The following ANO1 variants were observed in gnomAD, a reference collection of about 807,000 sequenced individuals.
The protein encoded by ANO1 is anoctamin 1.
A neutral mutation model predicts 124.0 loss-of-function variants in ANO1; 59 were observed. The ratio of observed to expected loss-of-function variants is 0.48; its 90% CI spans 0.39 to 0.59. The LOEUF is 0.59. ANO1 is among the 20% of genes least tolerant of loss of function. ANO1 has a pLI of 0.00. For missense variants in ANO1, 1,059 were observed against 1,328.0 expected (o/e 0.80, Z 3.15); for synonymous variants, 529 against 532.0 (o/e 0.99, Z 0.08).
chr11:70,159,847 G>A (rs1295442929), intron 16 of ANO1, among the ~76,000 whole-genome samples: 1 of 152,248 alleles, frequency 6.6e-6, no homozygotes, highest in African/African-American at 2.4e-5. Context: ...GTTCCCCGGA[G>A]CTGGCCAGGG....
At chr11:70,096,113 G>C (rs1195532391) in intron 2 of ANO1, among the ~76,000 whole-genome samples, 1 of 152,196 alleles carries the variant, frequency 6.6e-6, no homozygotes, top group Non-Finnish European at 1.5e-5. Context: ...GTGGGGGCGG[G>C]TCTGCTTCGC....
At chr11:70,126,446 T>G (rs2046514637) in intron 10 of ANO1, among the ~76,000 whole-genome samples, 1 of 152,258 alleles carries the variant, frequency 6.6e-6, no homozygotes, top group African/African-American at 2.4e-5. Context: ...AAGAAACATC[T>G]GACCATTTTC....
At chr11:69,993,276 A>G (rs1554997836) in intron 1 of ANO1, among the ~76,000 whole-genome samples, 1 of 152,200 alleles carries the variant, frequency 6.6e-6, no homozygotes, top group Non-Finnish European at 1.5e-5. Flanking sequence ...TTCTGCCCAC[A>G]TATGGCCTCT....
intron 22 of ANO1, among the ~76,000 whole-genome samples, chr11:70,172,133 A>AG (rs1555052164): frequency 8.5e-5 from 8 of 93,696 alleles, no homozygotes; most frequent in African/African-American, 2.5e-4. Context: ...AAAAAAAAAA[A>AG]AAAGAAAAGA....
intron 1 of ANO1, among the ~76,000 whole-genome samples, chr11:69,998,099 C>T (rs542572531): frequency 6.6e-6 from 1 of 152,318 alleles, no homozygotes; most frequent in African/African-American, 2.4e-5. Context: ...CTCCATCCAG[C>T]TGTGAGCATG....
upstream of ANO1, among the ~76,000 whole-genome samples, chr11:69,983,066 A>C (rs1855972649): frequency 6.6e-6 from 1 of 152,094 alleles, no homozygotes; most frequent in African/African-American, 2.4e-5. Flanking sequence ...GGGCCGAGTC[A>C]GCTCTGAGCT....
intron 16 of ANO1, among the ~76,000 whole-genome samples, chr11:70,160,204 C>T (rs566304597): frequency 1.8e-4 from 27 of 152,258 alleles, no homozygotes; most frequent in African/African-American, 6.0e-4. Context: ...TCCTGGAACA[C>T]GGGGACACAG....
chr11:69,994,561 C>T (rs1416267026), intron 1 of ANO1, among the ~76,000 whole-genome samples: 1 of 152,088 alleles, frequency 6.6e-6, no homozygotes, highest in Non-Finnish European at 1.5e-5. Flanking sequence ...TATATGATGG[C>T]AATTTTTAAT....
In ANO1 at chr11:70,053,180, A is replaced by G. The variant is rs76979019; in HGVS notation, c.59-25362A>G. ...TTGCCAAATTTACTTTTTAATTCCA[A>G]TAGTTCATCTGGATTTTCTCCTTTC... On this transcript the variant is annotated intron_variant, in intron 1 of 27. Coordinates refer to the ANO1 transcript ENST00000531349. Among the ~76,000 whole-genome samples, 248 of 152,230 alleles carry G rather than the reference A, an allele frequency of 1.6e-3. 2 individuals are homozygous for G. Among genetic ancestry groups the G allele is most frequent in the African/African-American group, 5.4e-3 (226 of 41,544 alleles).
In ANO1 at chr11:70,144,965, G is replaced by A. The variant is rs141077501; in HGVS notation, c.1259-4745G>A. Among the ~76,000 whole-genome samples the A allele has an allele frequency of 1.0e-3, 157 of 152,330 alleles. 1 individual carries two copies. In the East Asian group the frequency reaches 0.019, roughly 18 times the overall value. ...AGGGGATCAGGCGTGGGAAAGCACC[G>A]TGTCCAGCGCCTGGCAGCAGCTGGG... is the stretch of plus-strand genomic sequence containing the variant. On this transcript the variant is annotated intron_variant, in intron 11 of 25. Coordinates refer to ENST00000355303, the MANE Select transcript of ANO1 (RefSeq NM_018043.7).
At chr11:70,142,641 T>G (rs1399760561) in intron 11 of ANO1, among the ~76,000 whole-genome samples, 1 of 152,196 alleles carries the variant, frequency 6.6e-6, no homozygotes, top group African/African-American at 2.4e-5. Context: ...GGGTGGTTTC[T>G]ATTCCCAGGG....
chr11:70,005,525 A>G (rs1177847724), intron 1 of ANO1, among the ~76,000 whole-genome samples: 2 of 152,248 alleles, frequency 1.3e-5, no homozygotes, highest in African/African-American at 4.8e-5. Context: ...GGAGTCAGCC[A>G]AACATGGCCT....
intron 1 of ANO1, among the ~76,000 whole-genome samples, chr11:69,989,126 A>T (rs1856105322): frequency 6.6e-6 from 1 of 151,634 alleles, no homozygotes; most frequent in Non-Finnish European, 1.5e-5. Context: ...CACTCACTGT[A>T]TGAGGTGGGT....
the ANO1 span, among the ~76,000 whole-genome samples, chr11:69,970,542 A>G: frequency 6.6e-6 from 1 of 152,148 alleles, no homozygotes; most frequent in African/African-American, 2.4e-5. Context: ...CTGAAGCGAA[A>G]TGTTTACATA....
intron 24 of ANO1, among the ~76,000 whole-genome samples, chr11:70,185,166 C>T (rs1376561257): frequency 6.6e-6 from 1 of 152,064 alleles, no homozygotes; most frequent in Non-Finnish European, 1.5e-5. Context: ...GCTTAGGGAA[C>T]CCCCCCGACT....
At chr11:69,977,005 A>G in the ANO1 span, among the ~76,000 whole-genome samples, 1 of 152,226 alleles carries the variant, frequency 6.6e-6, no homozygotes, top group Non-Finnish European at 1.5e-5. Context: ...AGGGTCTCGC[A>G]GTGAGTGATG....
At position 70,104,071 on chromosome 11, in the gene ANO1, A is replaced by G; in HGVS notation, c.613A>G (p.Ile205Val). 6.2e-7 allele frequency: 1 copy of G among 1,612,904 alleles called. No individual in the cohort carries two copies. The highest frequency in any genetic ancestry group is 8.5e-7 in the Non-Finnish European group (1 of 1,179,540). The change falls in exon 4 of 26, where the codon ATC becomes GTC. Residue 205 changes from isoleucine to valine, a missense_variant. Physicochemically the swap from Ile to Val is conservative, Grantham distance 29. Transcript: ENST00000355303. The part of the protein sequence containing the change: ...NSVLQKITDP[I>V]QPKVAEHRPQ... ...TGTGCTCCAGAAAATCACAGATCCCATCCAGCCCAAAGTGGCTGAGCACAG... is the reference window on the plus strand; with the variant it reads ...TGTGCTCCAGAAAATCACAGATCCCGTCCAGCCCAAAGTGGCTGAGCACAG...
the ANO1 span, among the ~76,000 whole-genome samples, chr11:69,970,862 T>C: frequency 5.9e-5 from 9 of 152,216 alleles, no homozygotes; most frequent in African/African-American, 1.9e-4. Context: ...ATCCACCTTG[T>C]GGCCCAAGAT....
Position 70,170,919 on chromosome 11 carries a change from G to C in ANO1, c.2230G>C (p.Ala744Pro). 1 of 1,613,370 alleles carries C rather than the reference G, an allele frequency of 6.2e-7. No individual in the cohort carries two copies. ...GTTTGGCTTCGTCACCCTGTTTGTCGCCTCCTTCCCCCTGGCCCCACTGTT... is the reference window on the plus strand; with the variant it reads ...GTTTGGCTTCGTCACCCTGTTTGTCCCCTCCTTCCCCCTGGCCCCACTGTT... ...IQFGFVTLFV[A>P]SFPLAPLFAL... The change falls in exon 22 of 26, where the codon GCC becomes CCC. Residue 744 changes from alanine to proline, a missense_variant. Ala to Pro is a conservative substitution (Grantham distance 27). Transcript: ENST00000355303.
Sources: allele counts gnomAD v4.1 joint callset (sites outside exome capture counted in the v4.1 genomes callset), GRCh38; gene constraint gnomAD v4.1.1; transcripts MANE v1.5; gene names NCBI Gene and HGNC (gene_info 2026-07-23, HGNC 2026-07-21).